The following CD55 variants were observed in gnomAD, a reference collection of about 807,000 sequenced individuals.
CD55 encodes the protein CD55 molecule (Cromer blood group), also known as complement decay-accelerating factor.
In CD55, 41 loss-of-function variants were observed where a neutral mutation model predicts 45.8. That is an observed-to-expected ratio of 0.90 (90% CI 0.70 to 1.16). The LOEUF is 1.16. CD55 is among the 50% of genes most tolerant of loss of function. The pLI, the probability that CD55 is intolerant of heterozygous loss-of-function variation, is 0.00. For synonymous variants in CD55, 181 were observed against 181.1 expected (o/e 1.00, Z 0.01); for missense variants, 416 against 469.8 (o/e 0.89, Z 1.06).
Position 207,336,744 on chromosome 1 carries a change from T to TA in CD55, c.908dup (p.Asn303LysfsTer40), listed in dbSNP as rs1294137444. Reference sequence around the variant, plus strand: ...CCAACAGTTCAGAAACCTACCACAGTAAATGTTCCAACTACAGAAGTCTCA... The same window carrying TA: ...CCAACAGTTCAGAAACCTACCACAGTAAAATGTTCCAACTACAGAAGTCTCA... On this transcript the variant is annotated frameshift_variant, in exon 7 of 10. Transcript: ENST00000367064. LOFTEE classifies it high-confidence loss of function. The TA allele has an allele frequency of 6.2e-7, 1 of 1,613,708 alleles. No homozygotes were observed. The highest frequency in any genetic ancestry group is 8.5e-7 in the Non-Finnish European group (1 of 1,179,804).
chr1:207,359,037 T>G (rs1056331045), intron 9 of CD55, among the ~76,000 whole-genome samples: 2 of 152,100 alleles, frequency 1.3e-5, no homozygotes, highest in African/African-American at 4.8e-5. Context: ...TTAAGAAAAA[T>G]TATAATATGT....
chr1:207,360,898 C>T lies in CD55; in HGVS notation c.*1288C>T, dbSNP rs1195546855. 1 of 152,114 alleles carries T rather than the reference C, an allele frequency of 6.6e-6. No individual in the cohort carries two copies. Among genetic ancestry groups the T allele is most frequent in the Non-Finnish European group, 1.5e-5 (1 of 67,998 alleles). The allele number at this position is 152,114 out of a possible 1,614,324, so 9.4% of individuals were successfully genotyped here. On this transcript the variant is annotated 3_prime_UTR_variant, in exon 10 of 10. Coordinates refer to ENST00000367064, the MANE Select transcript of CD55 (RefSeq NM_000574.5). ...TTGTTGAAGTACTTTAAATTTCATA[C>T]GTTCATGGCATTTCACTGTAAAGAC...
chr1:207,341,990 T>G lies in CD55; in HGVS notation c.1081+2573T>G, dbSNP rs199954774. Among the ~76,000 whole-genome samples, 4 of 152,228 alleles carry G rather than the reference T, an allele frequency of 2.6e-5. No individual in the cohort carries two copies. In the East Asian group the frequency reaches 7.7e-4, roughly 29 times the overall value. ...TTAAATCTGTTCCTAGGTATTTTAT[T>G]TATTTTTTTAGTTATTGTCAATGGA... On this transcript the variant is annotated intron_variant, in intron 9 of 9. Coordinates refer to ENST00000367064, the MANE Select transcript of CD55 (RefSeq NM_000574.5).
rs1654421369 is a variant in CD55, at chr1:207,321,880, G to A, written c.100+15G>A. The A allele has an allele frequency of 6.6e-7, 1 of 1,503,934 alleles. No individual in the cohort carries two copies. The highest frequency in any genetic ancestry group is 1.2e-5 in the South Asian group (1 of 81,386). The allele number at this position is 1,503,934 out of a possible 1,614,324, so 93.2% of individuals were successfully genotyped here. A position where few individuals can be genotyped will look rare whatever the true frequency, so the allele number is the denominator to read the frequency against. On this transcript the variant is annotated intron_variant, in intron 1 of 9. Transcript: ENST00000367064. ...GGCCGTGTGGGGTGAGTAGGGGCCC[G>A]GCGGCCGGGGAAGCCCCTGGGCTGG... is the stretch of plus-strand genomic sequence containing the variant.
rs765768553 is a variant in CD55, at chr1:207,359,652, C to A, written c.*42C>A. On this transcript the variant is annotated 3_prime_UTR_variant, in exon 10 of 10. Transcript: ENST00000367064. ...AAGAAAATACACACAAGTATACAGA[C>A]TGTTCCTAGTTTCTTAGACTTATCT... The A allele has an allele frequency of 3.2e-6, 5 of 1,550,342 alleles. No individual in the cohort carries two copies. Among genetic ancestry groups the A allele is most frequent in the Non-Finnish European group, 4.3e-6 (5 of 1,156,384 alleles).
At chr1:207,340,914 A>G (rs1322733776) in intron 9 of CD55, 2 of 289,994 alleles carry the variant, frequency 6.9e-6, no homozygotes, top group African/African-American at 4.4e-5. Flanking sequence ...TCTCACCAAC[A>G]GTATATAAGA....
intron 9 of CD55, among the ~76,000 whole-genome samples, chr1:207,344,762 G>T (rs187425409): frequency 1.3e-3 from 199 of 151,846 alleles, no homozygotes; most frequent in Non-Finnish European, 2.0e-3. Flanking sequence ...ACTCAGCCTG[G>T]AGTACAGTGG....
At chr1:207,332,632 A>G (rs1398540304) in intron 6 of CD55, among the ~76,000 whole-genome samples, 1 of 152,140 alleles carries the variant, frequency 6.6e-6, no homozygotes, top group Admixed American at 6.6e-5. Context: ...TAATTTGGCC[A>G]TTTGATCCAG....
At position 207,357,477 on chromosome 1, in the gene CD55, G is replaced by A. The variant is rs28371649; in HGVS notation, c.1082-2069G>A. On this transcript the variant is annotated intron_variant, in intron 9 of 9. Coordinates refer to ENST00000367064, the MANE Select transcript of CD55 (RefSeq NM_000574.5). ...TGAAATACTGTTATCAGTTTATCAA[G>A]TTATAAAGTATCAATGTATAGAGTA... Among the ~76,000 whole-genome samples the A allele has an allele frequency of 4.4e-3, 659 of 148,536 alleles. 1 individual carries two copies. Among genetic ancestry groups the A allele is most frequent in the African/African-American group, 0.016 (628 of 40,490 alleles).
rs541418962 is a variant in CD55, at chr1:207,337,819, G to A, written c.1060+410G>A. On this transcript the variant is annotated intron_variant, in intron 8 of 9. Coordinates refer to ENST00000367064, the MANE Select transcript of CD55 (RefSeq NM_000574.5). ...TCAAAGTATGCTAAGGAATCTTCCC[G>A]GATTCCCTAGAGTTGCAGATCTGCT... Among the ~76,000 whole-genome samples the A allele has an allele frequency of 4.1e-4, 63 of 152,162 alleles. 2 individuals are homozygous for A. The highest frequency in any genetic ancestry group is 1.5e-3 in the African/African-American group (61 of 41,530).
chr1:207,350,218 T>C (rs1337411020), intron 9 of CD55: 1 of 406,842 alleles, frequency 2.5e-6, no homozygotes, highest in African/African-American at 2.1e-5. Flanking sequence ...GCCTACTTGA[T>C]CGTGGTAAGT....
At chr1:207,346,489 C>G (rs1347293010) in intron 9 of CD55, among the ~76,000 whole-genome samples, 1 of 152,156 alleles carries the variant, frequency 6.6e-6, no homozygotes, top group East Asian at 1.9e-4. Context: ...TGTGGCTGTG[C>G]TGTGGACCAG....
intron 8 of CD55, among the ~76,000 whole-genome samples, chr1:207,338,660 A>G (rs947388028): frequency 6.6e-6 from 1 of 152,166 alleles, no homozygotes; most frequent in Non-Finnish European, 1.5e-5. Context: ...AGTATATACT[A>G]TAGTGATATG....
chr1:207,356,366 C>T (rs1462090809), intron 9 of CD55, among the ~76,000 whole-genome samples: 2 of 152,098 alleles, frequency 1.3e-5, no homozygotes, highest in African/African-American at 2.4e-5. Flanking sequence ...GATTAACAGA[C>T]TTCATGTCTG....
At chr1:207,337,622 CTG>C (rs1380708214) in intron 8 of CD55, 1 of 398,418 alleles carries the variant, frequency 2.5e-6, no homozygotes, top group African/African-American at 2.1e-5. Context: ...GAGAAAAAGA[CTG>C]TGGCCCCATT....
At chr1:207,354,691 A>G (rs1203561905) in intron 9 of CD55, among the ~76,000 whole-genome samples, 3 of 152,164 alleles carry the variant, frequency 2.0e-5, no homozygotes, top group South Asian at 4.1e-4. Flanking sequence ...GAATTTTGAG[A>G]TCATAAACAG....
intron 9 of CD55, among the ~76,000 whole-genome samples, chr1:207,349,022 A>T (rs557741010): frequency 1.3e-5 from 2 of 151,852 alleles, no homozygotes; most frequent in South Asian, 2.1e-4. Context: ...TGTTCTTTTT[A>T]CTTACGGTTG....
intron 9 of CD55, among the ~76,000 whole-genome samples, chr1:207,346,090 C>T (rs1655624837): frequency 6.6e-6 from 1 of 152,194 alleles, no homozygotes; most frequent in Non-Finnish European, 1.5e-5. Context: ...ACCTGGTTCT[C>T]AGGCTACTTG....
chr1:207,353,881 C>T (rs1655983752), intron 9 of CD55: 2 of 725,132 alleles, frequency 2.8e-6, no homozygotes, highest in Non-Finnish European at 4.2e-6. Context: ...AAAATCTCTT[C>T]CCAGGGTGCC....
Sources: allele counts gnomAD v4.1 joint callset (sites outside exome capture counted in the v4.1 genomes callset), GRCh38; gene constraint gnomAD v4.1.1; transcripts MANE v1.5; gene names NCBI Gene and HGNC (gene_info 2026-07-23, HGNC 2026-07-21).